Variants in FBXO21 observed in about 807,000 individuals in gnomAD.
FBXO21 encodes the protein F-box protein 21.
A neutral mutation model predicts 76.6 loss-of-function variants in FBXO21; 32 were observed. That is an observed-to-expected ratio of 0.42 (90% CI 0.32 to 0.56). The LOEUF is 0.56. Ranked by LOEUF, FBXO21 falls within the 20% of genes least tolerant of loss-of-function variation. The pLI, the probability that FBXO21 is intolerant of heterozygous loss-of-function variation, is 0.16. For missense variants in FBXO21, 586 were observed against 797.3 expected (o/e 0.73, Z 3.19); for synonymous variants, 328 against 311.5 (o/e 1.05, Z -0.56).
intron 3 of FBXO21, among the ~76,000 whole-genome samples, chr12:117,183,069 G>A (rs1056428007): frequency 6.6e-6 from 1 of 152,108 alleles, no homozygotes; most frequent in Admixed American, 6.5e-5. Context: ...TTCCACCCTG[G>A]GTGACAAGAG....
chr12:117,188,163 GA>G (rs773388646), intron 2 of FBXO21, among the ~76,000 whole-genome samples: 66 of 152,196 alleles, frequency 4.3e-4, no homozygotes, highest in Non-Finnish European at 8.8e-4. Flanking sequence ...ACCCCAACCA[GA>G]AATAAATATC....
intron 5 of FBXO21, 111 bp from the exon 6 acceptor site, chr12:117,174,452 G>T: frequency 7.6e-7 from 1 of 1,317,312 alleles, no homozygotes; most frequent in Non-Finnish European, 1.1e-6. Flanking sequence ...TATTAATCAA[G>T]TGTTGCCAAT....
rs1317372390 is a variant in FBXO21 at position 117,146,026 on chromosome 12, C to A, written c.*61G>T. On this transcript the variant is annotated 3_prime_UTR_variant, in exon 12 of 12. Transcript: ENST00000622495. Reference sequence around the variant, plus strand: ...AGGGCTCCGTGGAGACGTCTTCTTCCGGAGTCCCGTTCTCTTGGAAGATAG... The same window carrying A: ...AGGGCTCCGTGGAGACGTCTTCTTCAGGAGTCCCGTTCTCTTGGAAGATAG... The A allele has an allele frequency of 7.1e-7, 1 of 1,412,180 alleles. No individual in the cohort carries two copies. The highest frequency in any genetic ancestry group is 1.4e-5 in the South Asian group (1 of 69,264). The allele number at this position is 1,412,180 out of a possible 1,614,324, so 87.5% of individuals were successfully genotyped here.
At position 117,152,555 on chromosome 12, in the gene FBXO21, G is replaced by A. The variant is rs149390311; in HGVS notation, c.1675+3236C>T. 1.9e-3 allele frequency among the ~76,000 whole-genome samples: 282 copies of A among 150,648 alleles called. 5 individuals carry two copies. Among genetic ancestry groups the A allele is most frequent in the East Asian group, 0.017 (80 of 4,610 alleles). ...GGGGGGAAAAAAAATGAAGAATGAG[G>A]AACTGTCTTTAATAAGAGAGACTAA... On this transcript the variant is annotated intron_variant, in intron 11 of 11. Transcript: ENST00000622495.
chr12:117,169,273 G>T (rs1400005104), intron 7 of FBXO21, among the ~76,000 whole-genome samples: 1 of 152,158 alleles, frequency 6.6e-6, no homozygotes, highest in Non-Finnish European at 1.5e-5. Flanking sequence ...ACTATGTGAT[G>T]AGAACACATG....
chr12:117,190,434 C>T lies in FBXO21; in HGVS notation c.23G>A (p.Ser8Asn), dbSNP rs771501371. The T allele has an allele frequency of 2.1e-6, 3 of 1,409,858 alleles. No individual in the cohort carries two copies. The highest frequency in any genetic ancestry group is 5.9e-5 in the East Asian group (2 of 33,980). 87.3% of individuals were successfully genotyped at this position (1,409,858 alleles called of 1,614,324 possible). ...CAGCGCCGGCACCACCTCCATCGCG[C>T]TGTCGACTGCTGCCGCCGCCATCTT... The part of the protein sequence containing the change: MAAAAVD[S>N]AMEVVPALAE... The change falls in exon 1 of 12, where the codon AGC becomes AAC. Residue 8 changes from serine (S) to asparagine (N), a missense_variant. By Grantham distance (46) the Ser-to-Asn change is conservative (BLOSUM62 1). Around this residue, in one of 6 missense-constraint regions of FBXO21, gnomAD observed 152 missense variants for 127.2 expected, o/e 1.19. Transcript: ENST00000622495.
chr12:117,167,619 T>G (rs1039311432), intron 7 of FBXO21, among the ~76,000 whole-genome samples: 3 of 151,944 alleles, frequency 2.0e-5, no homozygotes, highest in Non-Finnish European at 2.9e-5. Flanking sequence ...CACGCACCTG[T>G]AGTCCCAGCT....
At chr12:117,175,116 T>C (rs568219548) in intron 4 of FBXO21, among the ~76,000 whole-genome samples, 1 of 152,214 alleles carries the variant, frequency 6.6e-6, no homozygotes, top group Non-Finnish European at 1.5e-5. Flanking sequence ...GGAGATCTTT[T>C]CAAGCTACTT....
intron 3 of FBXO21, among the ~76,000 whole-genome samples, chr12:117,177,875 T>C (rs1320589969): frequency 6.6e-6 from 1 of 152,168 alleles, no homozygotes; most frequent in African/African-American, 2.4e-5. Flanking sequence ...TGCCTGTATC[T>C]TTCATAAAAG....
chr12:117,179,925 G>T (rs927366095), intron 3 of FBXO21, among the ~76,000 whole-genome samples: 3 of 151,678 alleles, frequency 2.0e-5, no homozygotes, highest in African/African-American at 7.3e-5. Flanking sequence ...CAATGATATG[G>T]GCTTCTATTT....
At chr12:117,188,530 G>T (rs571960836) in intron 2 of FBXO21, among the ~76,000 whole-genome samples, 6 of 151,214 alleles carry the variant, frequency 4.0e-5, no homozygotes, top group African/African-American at 9.7e-5. Flanking sequence ...GGGAGACAAA[G>T]CAAGACTCTG....
intron 11 of FBXO21, among the ~76,000 whole-genome samples, chr12:117,153,529 C>T (rs969835926): frequency 3.3e-5 from 5 of 152,200 alleles, no homozygotes; most frequent in Admixed American, 6.5e-5. Context: ...CCAGAGAACA[C>T]GGCTTTGGGA....
chr12:117,188,455 G>C (rs371654683), intron 2 of FBXO21, among the ~76,000 whole-genome samples: 2 of 152,254 alleles, frequency 1.3e-5, no homozygotes, highest in African/African-American at 2.4e-5. Context: ...TGAGACATGA[G>C]AATTGCTCGA....
intron 7 of FBXO21, among the ~76,000 whole-genome samples, chr12:117,170,930 A>G (rs1481050125): frequency 3.9e-5 from 6 of 152,146 alleles, no homozygotes; most frequent in Non-Finnish European, 7.3e-5. Context: ...TTCCCACTTA[A>G]AATAATGGAA....
rs1956119540 is a variant in FBXO21 at position 117,171,628 on chromosome 12, A to C, written c.1013+843T>G. Among the ~76,000 whole-genome samples, 3 of 152,218 alleles carry C rather than the reference A, an allele frequency of 2.0e-5. No homozygotes were observed. In the South Asian group the frequency reaches 6.2e-4, roughly 31 times the overall value. Reference sequence around the variant, plus strand: ...AAACATTAATCCATTTTACCAAGGAAGAAACAGGCCTCCTCAGAGGAAGGC... The same window carrying C: ...AAACATTAATCCATTTTACCAAGGACGAAACAGGCCTCCTCAGAGGAAGGC... On this transcript the variant is annotated intron_variant, in intron 7 of 11. Transcript: ENST00000622495.
At chr12:117,182,003 C>A (rs1956239322) in intron 3 of FBXO21, among the ~76,000 whole-genome samples, 1 of 151,592 alleles carries the variant, frequency 6.6e-6, no homozygotes, top group Non-Finnish European at 1.5e-5. Flanking sequence ...AGGACATACT[C>A]GTTTTTAAGA....
At chr12:117,164,691 G>A (rs1956030770) in intron 9 of FBXO21, among the ~76,000 whole-genome samples, 1 of 152,176 alleles carries the variant, frequency 6.6e-6, no homozygotes. Flanking sequence ...AAGCAATGTA[G>A]AGTCACTTGT....
chr12:117,146,622 T>G (rs932700654), intron 11 of FBXO21, among the ~76,000 whole-genome samples: 1 of 152,202 alleles, frequency 6.6e-6, no homozygotes, highest in Admixed American at 6.5e-5. Flanking sequence ...TGGGACAACA[T>G]TATCCCTGCC....
chr12:117,177,689 A>G (rs542416779), intron 3 of FBXO21, 48 bp from the exon 4 acceptor site: 2 of 1,576,622 alleles, frequency 1.3e-6, no homozygotes, highest in East Asian at 2.2e-5. Context: ...ACTTTCAGTT[A>G]TCTATTTTTC....
Sources: gnomAD v4.1 joint callset for allele counts (sites outside exome capture counted in the v4.1 genomes callset) on GRCh38, gnomAD v4.1.1 for gene constraint, gnomAD v4.1.1 regional missense constraint, MANE v1.5 for transcripts, NCBI Gene and HGNC (gene_info 2026-07-23, HGNC 2026-07-21) for gene names.